Variants in PAQR5 observed in about 807,000 individuals in gnomAD.
The protein encoded by PAQR5 is progestin and adipoQ receptor family member 5.
PAQR5 carries 20 observed loss-of-function variants against 34.5 expected under a neutral mutation model. That is an observed-to-expected ratio of 0.58 (90% confidence interval 0.41 to 0.84). The LOEUF (loss-of-function observed/expected upper bound fraction) is 0.84, where lower values mean the gene tolerates loss of function less well. Ranked by LOEUF, PAQR5 falls within the 40% of genes least tolerant of loss-of-function variation. PAQR5 has a pLI of 0.00. For missense variants in PAQR5, 378 were observed against 412.7 expected, an observed-to-expected ratio of 0.92 and a Z score of 0.73; for synonymous variants, 131 against 155.6, an observed-to-expected ratio of 0.84 and a Z score of 1.18.
chr15:69,392,069 G>T, intron 6 of PAQR5: 1 of 282,304 alleles, frequency 3.5e-6, no homozygotes, highest in Non-Finnish European at 7.1e-6. Context: ...ATTGTCTCCA[G>T]AGTGAATGAT....
chr15:69,324,200 C>T (rs941526425), intron 1 of PAQR5, among the ~76,000 whole-genome samples: 1 of 151,666 alleles, frequency 6.6e-6, no homozygotes, highest in Admixed American at 6.6e-5. Flanking sequence ...TGGGAGGTCA[C>T]CATGGCAACC....
intron 1 of PAQR5, among the ~76,000 whole-genome samples, chr15:69,329,420 G>A (rs967007850): frequency 2.0e-5 from 3 of 148,880 alleles, no homozygotes; most frequent in African/African-American, 7.5e-5. Context: ...GAACTAGATG[G>A]TAAATTATAT....
chr15:69,339,968 G>A (rs576124731), intron 2 of PAQR5, among the ~76,000 whole-genome samples: 5 of 152,338 alleles, frequency 3.3e-5, no homozygotes, highest in East Asian at 3.9e-4. Flanking sequence ...CCGGGTTCAA[G>A]CGATTCTTCT....
rs1342326984 is a variant in PAQR5 at position 69,405,944 on chromosome 15, G to T, written c.*2122G>T. On this transcript the variant is annotated 3_prime_UTR_variant, in exon 9 of 9. Coordinates refer to ENST00000395407, the MANE Select transcript of PAQR5 (RefSeq NM_017705.4). ...ATTTTACGACAGTTTGCAGAACACT[G>T]ATTTGAAAGCTTCCTATGCAAAATG... 6.6e-6 allele frequency: 1 copy of T among 152,166 alleles called. No individual in the cohort carries two copies. Among genetic ancestry groups the T allele is most frequent in the Non-Finnish European group, 1.5e-5 (1 of 68,028 alleles). The allele number at this position is 152,166 out of a possible 1,614,324, so 9.4% of individuals were successfully genotyped here.
intron 3 of PAQR5, among the ~76,000 whole-genome samples, chr15:69,365,001 G>T (rs934113201): frequency 1.3e-5 from 2 of 152,098 alleles, no homozygotes; most frequent in South Asian, 4.2e-4. Flanking sequence ...CTCCCAAAGT[G>T]CTGGGATTAC....
At chr15:69,350,748 G>T (rs888590076) in intron 2 of PAQR5, among the ~76,000 whole-genome samples, 1 of 152,094 alleles carries the variant, frequency 6.6e-6, no homozygotes, top group African/African-American at 2.4e-5. Context: ...TCAATTCCCA[G>T]ACATGAGCCA....
Position 69,346,331 on chromosome 15 carries a change from G to T in PAQR5, c.-116+8830G>T, listed in dbSNP as rs2054770934. ...TTTTTTTTTTTTTTTTTTGCGACAG[G>T]GTCTCACTCTTTCACTCAGTCTGGA... is the stretch of plus-strand genomic sequence containing the variant. On this transcript the variant is annotated intron_variant, in intron 2 of 8. Coordinates refer to ENST00000395407, the MANE Select transcript of PAQR5 (RefSeq NM_017705.4). Among the ~76,000 whole-genome samples the T allele has an allele frequency of 3.1e-5, 3 of 95,246 alleles. No homozygotes were observed. In the Admixed American group the frequency reaches 4.7e-4, roughly 15 times the overall value. The allele number at this position is 95,246 out of a possible 152,430, so 62.5% of individuals were successfully genotyped here. A position where few individuals can be genotyped will look rare whatever the true frequency, so the allele number is the denominator to read the frequency against.
chr15:69,355,797 A>C (rs1484865742), intron 2 of PAQR5, among the ~76,000 whole-genome samples: 2 of 152,026 alleles, frequency 1.3e-5, no homozygotes, highest in Non-Finnish European at 2.9e-5. Context: ...TCCCCTGTGA[A>C]ATGAAGGAAT....
chr15:69,373,969 C>T (rs7180822), intron 3 of PAQR5, among the ~76,000 whole-genome samples: 7,526 of 152,170 alleles, frequency 0.049, 388 homozygotes, highest in African/African-American at 0.12. Flanking sequence ...ATTATTAATA[C>T]TCTTTGGTTC....
At chr15:69,324,992 A>C (rs1252471653) in intron 1 of PAQR5, among the ~76,000 whole-genome samples, 1 of 150,258 alleles carries the variant, frequency 6.7e-6, no homozygotes, top group African/African-American at 2.5e-5. Context: ...TCTTCCTCCC[A>C]GGCTCAAGTG....
chr15:69,360,964 T>C (rs11638694), intron 3 of PAQR5, among the ~76,000 whole-genome samples: 143,500 of 152,226 alleles, frequency 0.94, 68,231 homozygotes, highest in East Asian at 1. Context: ...GAGGGGGAAA[T>C]TGCCAAACCC....
At chr15:69,327,084 A>C (rs1167964253) in intron 1 of PAQR5, among the ~76,000 whole-genome samples, 3 of 151,916 alleles carry the variant, frequency 2.0e-5, no homozygotes, top group Non-Finnish European at 4.4e-5. Context: ...CCTCAGGCTC[A>C]TGTGATTCTC....
chr15:69,401,566 A>G (rs2056626996), intron 8 of PAQR5, among the ~76,000 whole-genome samples: 1 of 152,138 alleles, frequency 6.6e-6, no homozygotes, highest in African/African-American at 2.4e-5. Context: ...TTGCAGGAAA[A>G]ATGGCCCTGG....
chr15:69,299,503 G>A (rs999176959), intron 1 of PAQR5, among the ~76,000 whole-genome samples: 7 of 152,182 alleles, frequency 4.6e-5, no homozygotes, highest in Non-Finnish European at 8.8e-5. Context: ...GCCCAGATGT[G>A]AGCCTGGGCT....
rs540609613 is a variant in PAQR5, at chr15:69,371,755, A to T, written c.52-8128A>T. Among the ~76,000 whole-genome samples the T allele has an allele frequency of 8.9e-4, 135 of 152,336 alleles. 1 individual carries two copies. Among genetic ancestry groups the T allele is most frequent in the African/African-American group, 3.2e-3 (132 of 41,576 alleles). On this transcript the variant is annotated intron_variant, in intron 3 of 8. Transcript: ENST00000395407. ...GTTTAGAAAAGTCCTATACATATTT[A>T]AAATAATAAATACGTATTTTTAATC... is the stretch of plus-strand genomic sequence containing the variant.
intron 1 of PAQR5, among the ~76,000 whole-genome samples, chr15:69,331,076 GGGCGACGTTCCTT>G (rs2054368535): frequency 6.6e-6 from 1 of 152,160 alleles, no homozygotes; most frequent in Non-Finnish European, 1.5e-5. Flanking sequence ...AATAGTCCTG[GGGCGACGTTCCTT>G]AACTGTAGCC....
At chr15:69,334,862 G>C (rs1006536999) in intron 1 of PAQR5, among the ~76,000 whole-genome samples, 1 of 152,184 alleles carries the variant, frequency 6.6e-6, no homozygotes, top group Non-Finnish European at 1.5e-5. Context: ...TTTAAGCAAA[G>C]GGAAAGGGGT....
chr15:69,327,072 G>A (rs747112542), intron 1 of PAQR5, among the ~76,000 whole-genome samples: 1 of 151,554 alleles, frequency 6.6e-6, no homozygotes, highest in Non-Finnish European at 1.5e-5. Flanking sequence ...CTGCAACCTC[G>A]ACCTCAGGCT....
intron 1 of PAQR5, among the ~76,000 whole-genome samples, chr15:69,319,545 T>C (rs2054046513): frequency 6.6e-6 from 1 of 151,936 alleles, no homozygotes; most frequent in African/African-American, 2.4e-5. Context: ...TTCAGAAGGT[T>C]CGAGATAGGC....
Sources: allele counts gnomAD v4.1 joint callset (sites outside exome capture counted in the v4.1 genomes callset), GRCh38; gene constraint gnomAD v4.1.1; transcripts MANE v1.5; gene names NCBI Gene and HGNC (gene_info 2026-07-23, HGNC 2026-07-21).